Variants in HS3ST4 observed in about 807,000 individuals in gnomAD.
HS3ST4 encodes the protein heparan sulfate-glucosamine 3-sulfotransferase 4, also known as heparan sulfate glucosamine 3-O-sulfotransferase 4.
A neutral mutation model predicts 29.2 loss-of-function variants in HS3ST4; 17 were observed. The observed-to-expected ratio is 0.58, with a 90% CI of 0.40 to 0.87. The LOEUF (loss-of-function observed/expected upper bound fraction) is 0.87. Among genes scored for constraint, HS3ST4 ranks in the 40% least tolerant of loss-of-function variants. The probability of loss-of-function intolerance (pLI) is 0.00; values close to 1 mark genes in which losing one functional copy is unlikely to be tolerated. For missense variants in HS3ST4, 627 were observed against 634.5 expected (o/e 0.99, Z 0.13); for synonymous variants, 314 against 285.7 (o/e 1.10, Z -1.00).
chr16:25,881,501 C>A (rs572487095), intron 1 of HS3ST4, among the ~76,000 whole-genome samples: 1 of 152,208 alleles, frequency 6.6e-6, no homozygotes, highest in African/African-American at 2.4e-5. Context: ...GTAAAGGGCA[C>A]CTGGATGCTT....
At chr16:26,104,061 CT>C (rs1567313043) in intron 1 of HS3ST4, among the ~76,000 whole-genome samples, 1 of 152,144 alleles carries the variant, frequency 6.6e-6, no homozygotes, top group Non-Finnish European at 1.5e-5. Context: ...GTATTTAGAA[CT>C]CCCTAAAGGA....
chr16:25,810,923 A>G (rs1242831383), intron 1 of HS3ST4, among the ~76,000 whole-genome samples: 1 of 152,198 alleles, frequency 6.6e-6, no homozygotes, highest in Non-Finnish European at 1.5e-5. Flanking sequence ...AAAAAAATGG[A>G]CTTTTGAGTG....
chr16:26,001,991 A>G (rs1215903860), intron 1 of HS3ST4, among the ~76,000 whole-genome samples: 1 of 152,184 alleles, frequency 6.6e-6, no homozygotes, highest in East Asian at 1.9e-4. Flanking sequence ...GGCAAGGAAA[A>G]TGAACAAGCC....
intron 1 of HS3ST4, among the ~76,000 whole-genome samples, chr16:25,882,193 C>G (rs1232976805): frequency 6.6e-6 from 1 of 152,198 alleles, no homozygotes; most frequent in Non-Finnish European, 1.5e-5. Context: ...CCAGGATGAA[C>G]ACATTCCCTG....
At chr16:26,093,750 A>C (rs1446197086) in intron 1 of HS3ST4, among the ~76,000 whole-genome samples, 2 of 152,218 alleles carry the variant, frequency 1.3e-5, no homozygotes, top group Non-Finnish European at 2.9e-5. Flanking sequence ...ACAAAGCTGG[A>C]CGGGGAATGA....
chr16:26,101,099 CT>C (rs1298805321), intron 1 of HS3ST4, among the ~76,000 whole-genome samples: 1 of 152,190 alleles, frequency 6.6e-6, no homozygotes, highest in Non-Finnish European at 1.5e-5. Context: ...TGTCTCCAAC[CT>C]TCTTGCTCCT....
intron 1 of HS3ST4, among the ~76,000 whole-genome samples, chr16:26,098,009 A>G (rs1898948921): frequency 6.6e-6 from 1 of 152,248 alleles, no homozygotes; most frequent in Non-Finnish European, 1.5e-5. Context: ...GTCATCAGAG[A>G]AATGCAAATC....
intron 1 of HS3ST4, among the ~76,000 whole-genome samples, chr16:26,026,680 T>C (rs1969477648): frequency 2.0e-5 from 3 of 152,200 alleles, no homozygotes; most frequent in South Asian, 2.1e-4. Flanking sequence ...AGCTGATTTC[T>C]GCTCATGTCA....
At chr16:25,959,396 CA>C (rs1239260829) in intron 1 of HS3ST4, among the ~76,000 whole-genome samples, 2 of 152,288 alleles carry the variant, frequency 1.3e-5, no homozygotes, top group East Asian at 3.9e-4. Context: ...GGAAGTGGGG[CA>C]GAGTGCAGCC....
chr16:26,081,985 G>C (rs779611339), intron 1 of HS3ST4, among the ~76,000 whole-genome samples: 5 of 152,016 alleles, frequency 3.3e-5, no homozygotes, highest in Non-Finnish European at 7.4e-5. Context: ...AGTAGAGACA[G>C]GGTTTCACCA....
At chr16:25,718,523 AAAG>A (rs1966473248) in intron 1 of HS3ST4, among the ~76,000 whole-genome samples, 1 of 152,122 alleles carries the variant, frequency 6.6e-6, no homozygotes, top group South Asian at 2.1e-4. Context: ...AGAGAGAAAG[AAAG>A]AGAGACTTTC....
At chr16:26,108,423 C>T (rs553966056) in intron 1 of HS3ST4, among the ~76,000 whole-genome samples, 1 of 152,326 alleles carries the variant, frequency 6.6e-6, no homozygotes, top group South Asian at 2.1e-4. Context: ...CACAAAACTA[C>T]ATCATAAATC....
At chr16:25,979,401 C>A (rs189713285) in intron 1 of HS3ST4, among the ~76,000 whole-genome samples, 2 of 152,104 alleles carry the variant, frequency 1.3e-5, no homozygotes, top group African/African-American at 4.8e-5. Flanking sequence ...ACAGCCACCC[C>A]CTATTGTTCA....
rs1022531913 is a variant in HS3ST4, at chr16:26,137,525, G to A, written c.*1277G>A. On this transcript the variant is annotated 3_prime_UTR_variant, in exon 2 of 2. Transcript: ENST00000331351. ...TTGATTCAATTAAAATGCATCATTTGACATAAAGCACTTGTTCACAGATCT... is the reference window on the plus strand; with the variant it reads ...TTGATTCAATTAAAATGCATCATTTAACATAAAGCACTTGTTCACAGATCT... 1 of 152,132 alleles carries A rather than the reference G, an allele frequency of 6.6e-6. No individual in the cohort carries two copies. Among genetic ancestry groups the A allele is most frequent in the Non-Finnish European group, 1.5e-5 (1 of 68,024 alleles). 9.4% of individuals were successfully genotyped at this position (152,132 alleles called of 1,614,324 possible).
chr16:26,068,046 G>C (rs1898561232), intron 1 of HS3ST4, among the ~76,000 whole-genome samples: 1 of 152,200 alleles, frequency 6.6e-6, no homozygotes, highest in Non-Finnish European at 1.5e-5. Context: ...GAACAGACTA[G>C]TGCAATCCTG....
chr16:25,972,517 AGCTGTTG>A (rs1968908063), intron 1 of HS3ST4, among the ~76,000 whole-genome samples: 1 of 152,314 alleles, frequency 6.6e-6, no homozygotes, highest in South Asian at 2.1e-4. Context: ...GTTACTCCCA[AGCTGTTG>A]GCTGGAGACT....
intron 1 of HS3ST4, among the ~76,000 whole-genome samples, chr16:25,972,121 G>T (rs1017866116): frequency 6.6e-6 from 1 of 152,146 alleles, no homozygotes; most frequent in Non-Finnish European, 1.5e-5. Context: ...ATAACAGGTG[G>T]CTTTATTAGT....
Position 25,692,908 on chromosome 16 carries a change from C to T in HS3ST4, c.491C>T (p.Ser164Phe), listed in dbSNP as rs779038969. Residue 164 changes from serine (S) to phenylalanine (F), a missense_variant, in exon 1 of 2, where the codon TCC (serine) becomes TTC (phenylalanine). Ser to Phe is a radical substitution (Grantham distance 155). This residue lies in a region of HS3ST4 where 402 missense variants were observed against 340.8 expected (regional missense o/e 1.18). Transcript: ENST00000331351. ...SALPEREAQE[S>F]STTDEDLAGR... ...CTGCCGGAGAGGGAAGCGCAGGAGT[C>T]CAGCACCACCGACGAGGATCTCGCA... 6.9e-6 allele frequency: 11 copies of T among 1,595,154 alleles called. No homozygotes were observed. The highest frequency in any genetic ancestry group is 3.5e-5 in the Admixed American group (2 of 57,134).
At chr16:25,941,165 TGTTA>T (rs1002058990) in intron 1 of HS3ST4, among the ~76,000 whole-genome samples, 2 of 152,292 alleles carry the variant, frequency 1.3e-5, no homozygotes, top group South Asian at 2.1e-4. Context: ...TTTGTTTTTT[TGTTA>T]GTTTGTTTGT....
Sources: allele counts gnomAD v4.1 joint callset (sites outside exome capture counted in the v4.1 genomes callset), GRCh38; gene constraint gnomAD v4.1.1; regional missense constraint gnomAD v4.1.1; transcripts MANE v1.5; gene names NCBI Gene and HGNC (gene_info 2026-07-23, HGNC 2026-07-21).